SLC1A3: variants seen among roughly 807,000 people sequenced by gnomAD.
SLC1A3 encodes the protein solute carrier family 1 member 3.
A neutral mutation model predicts 48.1 loss-of-function variants in SLC1A3; 21 were observed. That is an observed-to-expected ratio of 0.44 (90% confidence interval 0.31 to 0.63). SLC1A3 has a LOEUF of 0.63. Among genes scored for constraint, SLC1A3 ranks in the 20% least tolerant of loss-of-function variants. SLC1A3 has a pLI of 0.08. For missense variants in SLC1A3, 546 were observed against 689.0 expected, an observed-to-expected ratio of 0.79 and a Z score of 2.32; for synonymous variants, 239 against 251.4, an observed-to-expected ratio of 0.95 and a Z score of 0.47.
chr5:36,663,923 T>C (rs1741625008), intron 3 of SLC1A3, among the ~76,000 whole-genome samples: 1 of 152,226 alleles, frequency 6.6e-6, no homozygotes, highest in African/African-American at 2.4e-5. Context: ...TTCCGTGAAG[T>C]GAACCTTTCT....
chr5:36,657,847 C>T (rs1741343648), intron 3 of SLC1A3, among the ~76,000 whole-genome samples: 3 of 152,206 alleles, frequency 2.0e-5, no homozygotes, highest in East Asian at 1.9e-4. Context: ...TAGCCGTGTG[C>T]TTCCTCAGTA....
chr5:36,617,415 C>CT (rs34710652), intron 2 of SLC1A3, among the ~76,000 whole-genome samples: 2,725 of 57,622 alleles, frequency 0.047, 59 homozygotes, highest in African/African-American at 0.075. Flanking sequence ...AGGTTGCGGG[C>CT]TTTTTTTTTT....
In SLC1A3 at chr5:36,645,319, C is replaced by CTTTTTTTTTTTTTTTTTTTTTTTTTT. The variant is rs68027582; in HGVS notation, c.319+15736_319+15761dup. The stretch of plus-strand genomic sequence containing the variant: ...ATCTTTGAGGACTGACTTCCGCTGC[C>CTTTTTTTTTTTTTTTTTTTTTTTTTT]TTTTTTTTTTTTTTTTTTTTTTTTT... On this transcript the variant is annotated intron_variant, in intron 3 of 9. Transcript: ENST00000265113. 1.1e-4 allele frequency among the ~76,000 whole-genome samples: 9 copies of CTTTTTTTTTTTTTTTTTTTTTTTTTT among 84,272 alleles called. 4 individuals carry two copies. Among genetic ancestry groups the CTTTTTTTTTTTTTTTTTTTTTTTTTT allele is most frequent in the Non-Finnish European group, 4.7e-5 (2 of 42,786 alleles). The allele number at this position is 84,272 out of a possible 152,430, so 55.3% of individuals were successfully genotyped here.
upstream of SLC1A3, among the ~76,000 whole-genome samples, chr5:36,603,979 A>T (rs2562579): frequency 0.25 from 38,536 of 151,996 alleles, 7,042 homozygotes; most frequent in African/African-American, 0.52. Flanking sequence ...ACTGGCCTGT[A>T]CCATGCTAAG....
chr5:36,652,846 T>C (rs915070496), intron 3 of SLC1A3, among the ~76,000 whole-genome samples: 5 of 152,246 alleles, frequency 3.3e-5, no homozygotes, highest in South Asian at 4.1e-4. Flanking sequence ...CCTCTAAAAA[T>C]TGAACTACAG....
chr5:36,602,926 C>T (rs928077466), upstream of SLC1A3, among the ~76,000 whole-genome samples: 3 of 152,208 alleles, frequency 2.0e-5, no homozygotes, highest in African/African-American at 7.2e-5. Context: ...AGCCTTGGCT[C>T]AGTGTCAGCC....
upstream of SLC1A3, among the ~76,000 whole-genome samples, chr5:36,604,890 C>CA (rs745781952): frequency 0.02 from 1,597 of 78,458 alleles, 15 homozygotes; most frequent in Middle Eastern, 0.049. Context: ...TCATTTCCAC[C>CA]AAAAAAAAAA....
intron 3 of SLC1A3, chr5:36,669,271 AATGAAACTGCGGGGGG>A (rs1203321977): frequency 3.9e-5 from 6 of 152,186 alleles, no homozygotes; most frequent in African/African-American, 1.4e-4. Context: ...CAGACCTGAG[AATGAAACTGCGGGGGG>A]ATGGGATACT....
In SLC1A3 at chr5:36,634,022, T is replaced by C. The variant is rs576149580; in HGVS notation, c.319+4435T>C. Among the ~76,000 whole-genome samples, 7 of 152,296 alleles carry C rather than the reference T, an allele frequency of 4.6e-5. No homozygotes were observed. In the East Asian group the frequency reaches 1.4e-3, roughly 29 times the overall value. Reference sequence around the variant, plus strand: ...TGGGCGTCGTGGCTCATGCCTGTAATCCCAGCACTTTGGGAGACTAAAGCT... The same window carrying C: ...TGGGCGTCGTGGCTCATGCCTGTAACCCCAGCACTTTGGGAGACTAAAGCT... On this transcript the variant is annotated intron_variant, in intron 3 of 9. Coordinates refer to ENST00000265113, the MANE Select transcript of SLC1A3 (RefSeq NM_004172.5).
chr5:36,654,714 T>G (rs1741220593), intron 3 of SLC1A3, among the ~76,000 whole-genome samples: 1 of 152,232 alleles, frequency 6.6e-6, no homozygotes, highest in East Asian at 1.9e-4. Flanking sequence ...CTCTGCGTCA[T>G]GCAGGGCTGC....
upstream of SLC1A3, among the ~76,000 whole-genome samples, chr5:36,602,457 C>G (rs906806457): frequency 6.6e-6 from 1 of 152,154 alleles, no homozygotes; most frequent in Non-Finnish European, 1.5e-5. Flanking sequence ...TTCCAATCAA[C>G]CTACATAATC....
rs551740033 is a variant in SLC1A3, at chr5:36,601,118, C to T, written c.-96+4440C>T. 3.9e-5 allele frequency among the ~76,000 whole-genome samples: 6 copies of T among 152,310 alleles called. No homozygotes were observed. The East Asian group carries it at 9.6e-4, about 24-fold the overall frequency. Reference sequence around the variant, plus strand: ...TGTGATGGCAACTTTGAGCTGTGTGCTTTTAAATTATAATTACTTTTTTCC... The same window carrying T: ...TGTGATGGCAACTTTGAGCTGTGTGTTTTTAAATTATAATTACTTTTTTCC... On this transcript the variant is annotated intron_variant, in intron 1 of 9. Coordinates refer to the SLC1A3 transcript ENST00000680318.
At chr5:36,677,272 C>T in intron 6 of SLC1A3, 88 bp downstream of exon 6, 1 of 1,151,094 alleles carries the variant, frequency 8.7e-7, no homozygotes, top group Non-Finnish European at 1.3e-6. Flanking sequence ...TGCCACGAGG[C>T]AGGATGGCCA....
intron 3 of SLC1A3, among the ~76,000 whole-genome samples, chr5:36,634,940 G>A (rs1400585818): frequency 3.3e-5 from 5 of 152,114 alleles, no homozygotes; most frequent in Middle Eastern, 3.2e-3. Context: ...TTGTCATTTC[G>A]TGTAACACAA....
chr5:36,635,347 A>G (rs924435294), intron 3 of SLC1A3, among the ~76,000 whole-genome samples: 6 of 152,328 alleles, frequency 3.9e-5, no homozygotes, highest in Admixed American at 1.3e-4. Flanking sequence ...GAGTAGCAGC[A>G]AGAGCTGTCT....
At chr5:36,661,165 A>G (rs562620883) in intron 3 of SLC1A3, among the ~76,000 whole-genome samples, 1 of 152,372 alleles carries the variant, frequency 6.6e-6, no homozygotes, top group Non-Finnish European at 1.5e-5. Flanking sequence ...TAATCTCAGC[A>G]CTTTGGGAGG....
intron 3 of SLC1A3, among the ~76,000 whole-genome samples, chr5:36,633,840 G>A (rs1740227755): frequency 6.6e-6 from 1 of 152,098 alleles, no homozygotes; most frequent in Admixed American, 6.5e-5. Context: ...TTCTTCCACA[G>A]CCTACAATCA....
chr5:36,669,010 AC>A (rs551730758), intron 3 of SLC1A3: 15 of 152,318 alleles, frequency 9.8e-5, no homozygotes, highest in African/African-American at 3.6e-4. Flanking sequence ...ACGGAACAGC[AC>A]CACAAAATAG....
chr5:36,602,690 T>C (rs1738821726), upstream of SLC1A3, among the ~76,000 whole-genome samples: 1 of 152,202 alleles, frequency 6.6e-6, no homozygotes, highest in Non-Finnish European at 1.5e-5. Context: ...AAAATAACAG[T>C]TGGTGTAATT....
Sources: allele counts gnomAD v4.1 joint callset (sites outside exome capture counted in the v4.1 genomes callset), GRCh38; gene constraint gnomAD v4.1.1; transcripts MANE v1.5; gene names NCBI Gene and HGNC (gene_info 2026-07-23, HGNC 2026-07-21).